ERC2: variants seen among roughly 807,000 people sequenced by gnomAD.
ERC2 encodes ERC protein 2.
A neutral mutation model predicts 114.8 loss-of-function variants in ERC2; 42 were observed. The observed-to-expected ratio is 0.37, with a 90% CI of 0.29 to 0.47. The LOEUF (loss-of-function observed/expected upper bound fraction) is 0.47, where lower values mean the gene tolerates loss of function less well. ERC2 is among the 20% of genes least tolerant of loss of function. The probability of loss-of-function intolerance (pLI) is 0.99; values close to 1 mark genes in which losing one functional copy is unlikely to be tolerated. For missense variants in ERC2, 939 were observed against 1,150.7 expected, an observed-to-expected ratio of 0.82 and a Z score of 2.66; for synonymous variants, 454 against 425.5, an observed-to-expected ratio of 1.07 and a Z score of -0.82.
At chr3:56,111,702 G>GT (rs2078973736) in intron 6 of ERC2, among the ~76,000 whole-genome samples, 2 of 152,116 alleles carry the variant, frequency 1.3e-5, no homozygotes, top group Non-Finnish European at 2.9e-5. Flanking sequence ...TACAAAGCTG[G>GT]TTTTACCTAA....
chr3:55,663,721 CT>C (rs1559467779), intron 17 of ERC2, among the ~76,000 whole-genome samples: 1 of 152,100 alleles, frequency 6.6e-6, no homozygotes, highest in Non-Finnish European at 1.5e-5. Flanking sequence ...TTAAAAAAAT[CT>C]TTTTTTACTT....
At chr3:56,170,841 T>C (rs1267642713) in intron 4 of ERC2, among the ~76,000 whole-genome samples, 3 of 148,266 alleles carry the variant, frequency 2.0e-5, no homozygotes, top group Admixed American at 6.8e-5. Context: ...CTCGACTCAC[T>C]GCAAGCTCCG....
At chr3:55,832,094 G>A (rs1182311817) in intron 14 of ERC2, among the ~76,000 whole-genome samples, 1 of 152,248 alleles carries the variant, frequency 6.6e-6, no homozygotes, top group Non-Finnish European at 1.5e-5. Flanking sequence ...GGTAAACAAA[G>A]CAGCCTGGAG....
intron 17 of ERC2, among the ~76,000 whole-genome samples, chr3:55,656,693 T>C (rs530924000): frequency 1.3e-5 from 2 of 152,284 alleles, no homozygotes; most frequent in South Asian, 2.1e-4. Flanking sequence ...ACCAACTCAG[T>C]CTCTTCTTGT....
At chr3:56,120,129 GA>G (rs931767946) in intron 6 of ERC2, among the ~76,000 whole-genome samples, 2 of 151,590 alleles carry the variant, frequency 1.3e-5, no homozygotes, top group African/African-American at 4.8e-5. Flanking sequence ...TGCCAGCATT[GA>G]AAAAAAAGAG....
chr3:56,085,093 T>A (rs762744160), intron 6 of ERC2, among the ~76,000 whole-genome samples: 20 of 152,224 alleles, frequency 1.3e-4, no homozygotes, highest in Non-Finnish European at 2.4e-4. Context: ...ATATCTGACA[T>A]CTTAGGATTT....
chr3:55,719,080 G>A (rs2064293412), intron 15 of ERC2, among the ~76,000 whole-genome samples: 1 of 152,112 alleles, frequency 6.6e-6, no homozygotes, highest in South Asian at 2.1e-4. Context: ...TCAACATGCC[G>A]AATTAAGCCC....
At chr3:55,544,771 A>G (rs549743966) in intron 17 of ERC2, among the ~76,000 whole-genome samples, 1 of 152,270 alleles carries the variant, frequency 6.6e-6, no homozygotes. Flanking sequence ...ACACAACCAT[A>G]TACAAATCAT....
At chr3:56,402,243 A>G (rs1290728087) in intron 2 of ERC2, among the ~76,000 whole-genome samples, 1 of 152,182 alleles carries the variant, frequency 6.6e-6, no homozygotes, top group Non-Finnish European at 1.5e-5. Flanking sequence ...TATATTTATA[A>G]TGCACTTTTA....
chr3:56,401,695 ACTGGAGCTTAG>A (rs1204420224), intron 2 of ERC2, among the ~76,000 whole-genome samples: 1 of 152,158 alleles, frequency 6.6e-6, no homozygotes, highest in African/African-American at 2.4e-5. Context: ...GTGATGCAAA[ACTGGAGCTTAG>A]CCCAGGAGGG....
chr3:55,961,703 T>A (rs1208783668), intron 12 of ERC2, among the ~76,000 whole-genome samples: 1 of 130,394 alleles, frequency 7.7e-6, no homozygotes, highest in Non-Finnish European at 1.7e-5. Context: ...TTTATGTGAA[T>A]TCTTAAAATT....
At chr3:56,441,284 T>C (rs925663890) in intron 1 of ERC2, among the ~76,000 whole-genome samples, 1 of 152,200 alleles carries the variant, frequency 6.6e-6, no homozygotes, top group African/African-American at 2.4e-5. Flanking sequence ...ACAAGCCATG[T>C]TGGAGCTTCC....
intron 14 of ERC2, among the ~76,000 whole-genome samples, chr3:55,858,066 TTG>T (rs2061867189): frequency 6.6e-6 from 1 of 152,216 alleles, no homozygotes; most frequent in African/African-American, 2.4e-5. Context: ...CTCCTGAAAC[TTG>T]TGACATATAA....
At chr3:55,940,062 AT>A (rs2149421984) in intron 13 of ERC2, among the ~76,000 whole-genome samples, 1 of 152,338 alleles carries the variant, frequency 6.6e-6, no homozygotes, top group East Asian at 1.9e-4. Flanking sequence ...TATTACCAGG[AT>A]GGTGCCAAGA....
intron 2 of ERC2, among the ~76,000 whole-genome samples, chr3:56,395,532 C>T (rs981564530): frequency 1.3e-5 from 2 of 152,068 alleles, no homozygotes; most frequent in African/African-American, 4.8e-5. Flanking sequence ...GTGCTGTCTT[C>T]GCAATAGTGA....
intron 2 of ERC2, among the ~76,000 whole-genome samples, chr3:56,345,849 G>C (rs1252798345): frequency 6.6e-6 from 1 of 152,242 alleles, no homozygotes; most frequent in Non-Finnish European, 1.5e-5. Context: ...ATGTCATGGA[G>C]TGTGCAGGGT....
At chr3:55,744,364 C>A (rs1232090478) in intron 14 of ERC2, among the ~76,000 whole-genome samples, 1 of 152,110 alleles carries the variant, frequency 6.6e-6, no homozygotes, top group South Asian at 2.1e-4. Flanking sequence ...AGGTTGAGAT[C>A]ACACCACTGC....
intron 17 of ERC2, among the ~76,000 whole-genome samples, chr3:55,677,482 A>T (rs1234293268): frequency 1.3e-5 from 2 of 152,168 alleles, no homozygotes; most frequent in East Asian, 3.9e-4. Context: ...TGAGCCCAGA[A>T]GTAACAATAA....
At chr3:55,605,624 A>G (rs2058610048) in intron 17 of ERC2, among the ~76,000 whole-genome samples, 1 of 152,250 alleles carries the variant, frequency 6.6e-6, no homozygotes. Flanking sequence ...TTATAAAATT[A>G]AGTGTCATTC....
Sources: allele counts gnomAD v4.1 joint callset (sites outside exome capture counted in the v4.1 genomes callset), GRCh38; gene constraint gnomAD v4.1.1; transcripts MANE v1.5; gene names NCBI Gene and HGNC (gene_info 2026-07-23, HGNC 2026-07-21).